UGT1A4: variants seen among roughly 807,000 people sequenced by gnomAD.
UGT1A4 encodes UDP-glucuronosyltransferase 1A4.
Under a neutral mutation model 41.1 loss-of-function variants are expected in UGT1A4, and 32 were observed. The observed-to-expected ratio is 0.78, with a 90% CI of 0.59 to 1.05. The LOEUF is 1.05. Ranked by LOEUF, UGT1A4 falls within the 50% of genes least tolerant of loss-of-function variation. UGT1A4 has a pLI of 0.00. For synonymous variants in UGT1A4, 283 were observed against 265.1 expected (o/e 1.07, Z -0.66); for missense variants, 748 against 677.4 (o/e 1.10, Z -1.16).
Position 233,719,463 on chromosome 2 carries a change from C to G in UGT1A4, c.643C>G (p.Leu215Val), listed in dbSNP as rs778257140. The change falls in exon 1 of 5, where the codon CTC (leucine) becomes GTC (valine). Residue 215 changes from leucine (L) to valine (V), a missense_variant. By Grantham distance (32) the Leu-to-Val change is conservative (BLOSUM62 1). Transcript: ENST00000373409. ...ATTCCTGCAAAGGGTCAAGAACATG[C>G]TCTACCCTCTGGCCCTGTCCTACAT... ...MTFLQRVKNMLYPLALSYICH... is the reference protein window; with the variant it reads ...MTFLQRVKNMVYPLALSYICH... 3 of 1,613,862 alleles carry G rather than the reference C, an allele frequency of 1.9e-6. No homozygotes were observed. The South Asian group carries it at 3.3e-5, about 18-fold the overall frequency.
intron 1 of UGT1A4, among the ~76,000 whole-genome samples, chr2:233,728,671 C>T (rs1367179022): frequency 6.6e-6 from 1 of 152,178 alleles, no homozygotes; most frequent in Non-Finnish European, 1.5e-5. Flanking sequence ...GTTACTCATA[C>T]ATGAGAAGAA....
Position 233,751,190 on chromosome 2 carries a change from G to C in UGT1A4, c.868-15844G>C, listed in dbSNP as rs551144438. Among the ~76,000 whole-genome samples the C allele has an allele frequency of 1.2e-4, 18 of 152,080 alleles. 2 individuals carry two copies. Among genetic ancestry groups the C allele is most frequent in the African/African-American group, 4.4e-4 (18 of 41,324 alleles). ...CCTAGATATGAGACATGAAGTTAAA[G>C]GTGATAATTTTGGAGCTTTAAGATT... On this transcript the variant is annotated intron_variant, in intron 1 of 4. Transcript: ENST00000373409.
intron 1 of UGT1A4, among the ~76,000 whole-genome samples, chr2:233,764,973 G>C (rs553153469): frequency 6.6e-6 from 1 of 152,178 alleles, no homozygotes; most frequent in African/African-American, 2.4e-5. Context: ...GGAGAAGGAT[G>C]GTCAGTGTCT....
chr2:233,743,704 C>A (rs773531190), intron 1 of UGT1A4: 3 of 1,367,360 alleles, frequency 2.2e-6, no homozygotes, highest in Non-Finnish European at 2.9e-6. Context: ...CCTCCGCCCC[C>A]GCCTCGCCAT....
Position 233,719,076 on chromosome 2 carries a change from C to A in UGT1A4, c.256C>A (p.Gln86Lys), listed in dbSNP as rs2076722760. ...GACAGCCTATGCTGTTCCATGGACC[C>A]AGAAGGAATTTGATCGCGTTACGCT... ...TLTAYAVPWT[Q>K]KEFDRVTLGY... Residue 86 changes from glutamine (Q) to lysine (K), a missense_variant, in exon 1 of 5, where the codon CAG (glutamine) becomes AAG (lysine). Transcript: ENST00000373409. 1 of 1,614,264 alleles carries A rather than the reference C, an allele frequency of 6.2e-7. No individual in the cohort carries two copies. Among genetic ancestry groups the A allele is most frequent in the East Asian group, 2.2e-5 (1 of 44,894 alleles).
At chr2:233,732,867 G>A (rs368077438) in intron 1 of UGT1A4, among the ~76,000 whole-genome samples, 9 of 150,836 alleles carry the variant, frequency 6.0e-5, no homozygotes, top group South Asian at 4.2e-4. Context: ...GTAGCTTGAT[G>A]GGTTTGGCAT....
chr2:233,756,771 G>C (rs1424521769), intron 1 of UGT1A4, among the ~76,000 whole-genome samples: 1 of 152,000 alleles, frequency 6.6e-6, no homozygotes, highest in Non-Finnish European at 1.5e-5. Context: ...TGGATTCTTT[G>C]CTTTGATAAA....
At chr2:233,768,985 C>T (rs1366556370) in intron 4 of UGT1A4, among the ~76,000 whole-genome samples, 1 of 151,774 alleles carries the variant, frequency 6.6e-6, no homozygotes, top group East Asian at 1.9e-4. Context: ...AATTTTATTT[C>T]CCCCATTAGA....
intron 1 of UGT1A4, chr2:233,747,495 G>A (rs1693698744): frequency 6.2e-7 from 1 of 1,608,584 alleles, no homozygotes; most frequent in African/African-American, 1.3e-5. Flanking sequence ...CCTTGTGCTG[G>A]GCCACACTCA....
intron 1 of UGT1A4, chr2:233,747,984 C>G: frequency 6.2e-7 from 1 of 1,613,422 alleles, no homozygotes; most frequent in South Asian, 1.1e-5. Context: ...GTGGCTGTTC[C>G]GAGGGGACTT....
At chr2:233,767,532 T>C (rs183725309) in intron 2 of UGT1A4, among the ~76,000 whole-genome samples, 16 of 152,382 alleles carry the variant, frequency 1.0e-4, no homozygotes, top group Non-Finnish European at 2.1e-4. Context: ...ATGTCTTACA[T>C]TTCTGCTCTT....
intron 1 of UGT1A4, chr2:233,729,968 G>A (rs201755757): frequency 2.4e-5 from 39 of 1,613,890 alleles, no homozygotes; most frequent in Non-Finnish European, 7.6e-6. Context: ...GGCATCAACT[G>A]TGCCAACAGG....
At chr2:233,725,116 C>T (rs2077366977) in intron 1 of UGT1A4, among the ~76,000 whole-genome samples, 1 of 140,206 alleles carries the variant, frequency 7.1e-6, no homozygotes, top group Non-Finnish European at 1.5e-5. Flanking sequence ...AGGGAGGTTG[C>T]AGTGAGCCGA....
chr2:233,766,304 C>T (rs1472747158), intron 1 of UGT1A4, among the ~76,000 whole-genome samples: 4 of 151,950 alleles, frequency 2.6e-5, no homozygotes, highest in Non-Finnish European at 4.4e-5. Context: ...GGCTCTCCTC[C>T]GACTGCCTCA....
At chr2:233,730,095 T>G (rs1360215327) in intron 1 of UGT1A4, 1 of 1,591,544 alleles carries the variant, frequency 6.3e-7, no homozygotes, top group Non-Finnish European at 8.5e-7. Context: ...TCTTTCCAAA[T>G]ATTTCATTTC....
At chr2:233,764,328 G>A (rs35377848) in intron 1 of UGT1A4, among the ~76,000 whole-genome samples, 4 of 152,284 alleles carry the variant, frequency 2.6e-5, no homozygotes, top group East Asian at 3.9e-4. Flanking sequence ...TTGCCAAGTA[G>A]GGGATGGACT....
At chr2:233,732,129 GTTGTTTGT>G (rs201829156) in intron 1 of UGT1A4, among the ~76,000 whole-genome samples, 3 of 151,474 alleles carry the variant, frequency 2.0e-5, no homozygotes, top group African/African-American at 4.9e-5. Context: ...TTTTGATGAG[GTTGTTTGT>G]TTGTTTTTTT....
At chr2:233,755,297 A>G in intron 1 of UGT1A4, 2 of 623,206 alleles carry the variant, frequency 3.2e-6, no homozygotes, top group East Asian at 6.1e-5. Context: ...CCTGCGGGGC[A>G]CTGGCACAGC....
chr2:233,754,706 C>T, intron 1 of UGT1A4: 1 of 528,090 alleles, frequency 1.9e-6, no homozygotes, highest in South Asian at 1.5e-5. Context: ...TCGACATGGA[C>T]TTGAAGCTGC....
Sources: gnomAD v4.1 joint callset for allele counts (sites outside exome capture counted in the v4.1 genomes callset) on GRCh38, gnomAD v4.1.1 for gene constraint, MANE v1.5 for transcripts, NCBI Gene and HGNC (gene_info 2026-07-23, HGNC 2026-07-21) for gene names.